SEMA3E: variants seen among roughly 807,000 people sequenced by gnomAD.
SEMA3E encodes semaphorin-3E.
SEMA3E carries 49 observed loss-of-function variants against 93.6 expected under a neutral mutation model. That is an observed-to-expected ratio of 0.52 (90% CI 0.42 to 0.66). The LOEUF (loss-of-function observed/expected upper bound fraction) is 0.66. Among genes scored for constraint, SEMA3E ranks in the 30% least tolerant of loss-of-function variants. The pLI is 0.00. For synonymous variants in SEMA3E, 363 were observed against 330.7 expected (o/e 1.10, Z -1.06); for missense variants, 906 against 964.8 (o/e 0.94, Z 0.81).
chr7:83,546,341 T>C (rs1179505847), intron 1 of SEMA3E, among the ~76,000 whole-genome samples: 1 of 148,122 alleles, frequency 6.8e-6, no homozygotes. Flanking sequence ...TGTGTGTGTG[T>C]GTGTGTGTGT....
intron 6 of SEMA3E, 37 bp from the exon 7 acceptor site, chr7:83,407,276 A>G (rs1187574676): frequency 6.4e-7 from 1 of 1,551,584 alleles, no homozygotes; most frequent in African/African-American, 1.4e-5. Flanking sequence ...AGTGAAATAG[A>G]TATTACAACT....
intron 1 of SEMA3E, among the ~76,000 whole-genome samples, chr7:83,618,612 CTT>C: frequency 6.6e-6 from 1 of 151,946 alleles, no homozygotes; most frequent in South Asian, 2.1e-4. Context: ...ACCTCAATGA[CTT>C]TATTTTTTCT....
At position 83,639,139 on chromosome 7, in the gene SEMA3E, AAC is replaced by A. The variant is rs1249481043; in HGVS notation, c.115+9287_115+9288del. Among the ~76,000 whole-genome samples the A allele has an allele frequency of 5.0e-3, 548 of 108,920 alleles. 81 individuals carry two copies. The highest frequency in any genetic ancestry group is 0.014 in the African/African-American group (387 of 27,228). 71.5% of individuals were successfully genotyped at this position (108,920 alleles called of 152,430 possible). On this transcript the variant is annotated intron_variant, in intron 1 of 16. Transcript: ENST00000643230. ...AAAAAAAAAAAAAAAAAAAAAAAAAAACAGAGATTCCTGAGCCTCAGAATTAT... is the reference window on the plus strand; with the variant it reads ...AAAAAAAAAAAAAAAAAAAAAAAAAAAGAGATTCCTGAGCCTCAGAATTAT...
intron 12 of SEMA3E, among the ~76,000 whole-genome samples, chr7:83,396,282 C>T (rs1339352720): frequency 1.3e-5 from 2 of 151,912 alleles, no homozygotes; most frequent in African/African-American, 2.4e-5. Context: ...GCTTATCTTG[C>T]CTCAATGTTC....
intron 1 of SEMA3E, among the ~76,000 whole-genome samples, chr7:83,515,770 G>C (rs1228195940): frequency 6.6e-6 from 1 of 152,196 alleles, no homozygotes; most frequent in African/African-American, 2.4e-5. Context: ...GCTCATGCCT[G>C]TAATCTCAGC....
intron 2 of SEMA3E, among the ~76,000 whole-genome samples, chr7:83,471,582 A>G (rs926956457): frequency 2.6e-5 from 4 of 152,140 alleles, no homozygotes; most frequent in African/African-American, 9.6e-5. Flanking sequence ...GACCTCATGT[A>G]CAAAACTCAA....
Position 83,367,727 on chromosome 7 carries a change from G to A in SEMA3E, c.2187C>T (p.Cys729=), listed in dbSNP as rs755671622. The change falls in exon 17 of 17, where the codon TGC becomes TGT. Residue 729 remains cysteine, a synonymous_variant. Transcript: ENST00000643230. ...TTCTATCTGTGCACCATACTTTCTC[G>A]CAGTATTCTTCCACTCTCTGGAAGT... The part of the protein sequence containing the change: ...YSNFQRVEEY[C]EKVWCTDRKR... 3.7e-6 allele frequency: 6 copies of A among 1,613,746 alleles called. No individual in the cohort carries two copies. The highest frequency in any genetic ancestry group is 4.5e-5 in the East Asian group (2 of 44,856).
At chr7:83,482,007 A>G (rs1790154614) in intron 2 of SEMA3E, among the ~76,000 whole-genome samples, 1 of 152,122 alleles carries the variant, frequency 6.6e-6, no homozygotes, top group Admixed American at 6.5e-5. Context: ...AAAAAGTACC[A>G]CTATTTAGTC....
Position 83,365,735 on chromosome 7 carries a change from C to G in SEMA3E, c.*1851G>C, listed in dbSNP as rs1260600734. On this transcript the variant is annotated 3_prime_UTR_variant, in exon 17 of 17. Transcript: ENST00000643230. ...TTAAAATTCAGATACAGGAGAAAATCCTGCTTTCTTTCTTGTGTGTTAATG... is the reference window on the plus strand; with the variant it reads ...TTAAAATTCAGATACAGGAGAAAATGCTGCTTTCTTTCTTGTGTGTTAATG... 1 of 151,990 alleles carries G rather than the reference C, an allele frequency of 6.6e-6. No homozygotes were observed. The highest frequency in any genetic ancestry group is 1.5e-5 in the Non-Finnish European group (1 of 67,976). 9.4% of individuals were successfully genotyped at this position (151,990 alleles called of 1,614,324 possible). A position where few individuals can be genotyped will look rare whatever the true frequency, so the allele number is the denominator to read the frequency against.
At chr7:83,457,960 A>G (rs898018811) in intron 4 of SEMA3E, among the ~76,000 whole-genome samples, 2 of 152,098 alleles carry the variant, frequency 1.3e-5, no homozygotes, top group African/African-American at 2.4e-5. Context: ...GTAAAATTGC[A>G]TCAAGCCTTT....
At chr7:83,469,398 C>CTTTTTTTTTTTTTTTT (rs10650403) in intron 2 of SEMA3E, 96 bp from the exon 3 acceptor site, 4 of 530,596 alleles carry the variant, frequency 7.5e-6, no homozygotes, top group Non-Finnish European at 9.9e-6. Flanking sequence ...AAAACATTTC[C>CTTTTTTTTTTTTTTTT]TTTTTTTTTT....
intron 1 of SEMA3E, among the ~76,000 whole-genome samples, chr7:83,540,556 A>G (rs1329255816): frequency 6.6e-6 from 1 of 152,228 alleles, no homozygotes; most frequent in Non-Finnish European, 1.5e-5. Flanking sequence ...TTTAGTAACT[A>G]GATATGAATA....
At chr7:83,437,013 C>T (rs889230780) in intron 4 of SEMA3E, among the ~76,000 whole-genome samples, 1 of 152,082 alleles carries the variant, frequency 6.6e-6, no homozygotes, top group Admixed American at 6.5e-5. Context: ...GAAAACTCAC[C>T]CTTATAATAA....
At chr7:83,576,124 T>G (rs147374952) in intron 1 of SEMA3E, among the ~76,000 whole-genome samples, 1 of 152,312 alleles carries the variant, frequency 6.6e-6, no homozygotes, top group Non-Finnish European at 1.5e-5. Flanking sequence ...TTGTAAGAAT[T>G]ATACAAATGA....
intron 1 of SEMA3E, among the ~76,000 whole-genome samples, chr7:83,511,495 T>C (rs1179543841): frequency 6.6e-6 from 1 of 152,242 alleles, no homozygotes; most frequent in East Asian, 1.9e-4. Context: ...TAAACATTTC[T>C]AAGTGGGTAA....
chr7:83,374,013 C>G (rs918121457), intron 16 of SEMA3E, among the ~76,000 whole-genome samples: 10 of 151,930 alleles, frequency 6.6e-5, no homozygotes, highest in Non-Finnish European at 1.3e-4. Flanking sequence ...TCGAGACCAG[C>G]ATGACCAACA....
chr7:83,571,387 G>A (rs758096062), intron 1 of SEMA3E, among the ~76,000 whole-genome samples: 2 of 152,118 alleles, frequency 1.3e-5, no homozygotes, highest in African/African-American at 2.4e-5. Context: ...GATCAAGTAG[G>A]CTTTATTCCT....
chr7:83,501,170 A>C (rs1198758639), intron 1 of SEMA3E, among the ~76,000 whole-genome samples: 1 of 152,184 alleles, frequency 6.6e-6, no homozygotes, highest in Non-Finnish European at 1.5e-5. Context: ...TGGTTACTTC[A>C]TCATTAATTC....
intron 5 of SEMA3E, among the ~76,000 whole-genome samples, chr7:83,410,193 C>A (rs1788410871): frequency 6.6e-6 from 1 of 151,698 alleles, no homozygotes; most frequent in African/African-American, 2.4e-5. Context: ...AAAAAGAATT[C>A]ATTTTAAAAT....
Sources: allele counts gnomAD v4.1 joint callset (sites outside exome capture counted in the v4.1 genomes callset), GRCh38; gene constraint gnomAD v4.1.1; transcripts MANE v1.5; gene names NCBI Gene and HGNC (gene_info 2026-07-23, HGNC 2026-07-21).